Variants in SOX6 observed in about 807,000 individuals in gnomAD.
SOX6 encodes transcription factor SOX-6.
Under a neutral mutation model 97.8 loss-of-function variants are expected in SOX6, and 11 were observed. The ratio of observed to expected loss-of-function variants is 0.11; its 90% CI spans 0.07 to 0.19. The LOEUF (loss-of-function observed/expected upper bound fraction) is 0.19, where lower values mean the gene tolerates loss of function less well. SOX6 is among the 10% of genes least tolerant of loss of function. The pLI, the probability that SOX6 is intolerant of heterozygous loss-of-function variation, is 1.00. For missense variants in SOX6, 810 were observed against 1,039.5 expected, an observed-to-expected ratio of 0.78 and a Z score of 3.04; for synonymous variants, 360 against 371.4, an observed-to-expected ratio of 0.97 and a Z score of 0.35.
intron 6 of SOX6, among the ~76,000 whole-genome samples, chr11:16,156,668 C>T (rs936569605): frequency 2.0e-5 from 3 of 151,924 alleles, no homozygotes; most frequent in Admixed American, 6.6e-5. Flanking sequence ...TCTTTCTACT[C>T]CATCTTTACT....
In SOX6 at chr11:16,055,803, A is replaced by G; in HGVS notation, c.1200T>C (p.Pro400=). The G allele has an allele frequency of 6.2e-7, 1 of 1,613,784 alleles. No individual in the cohort carries two copies. Among genetic ancestry groups the G allele is most frequent in the Non-Finnish European group, 8.5e-7 (1 of 1,179,826 alleles). ...CTCTCTTTTCATTTTTTATCCCAGT[A>G]GGTGAGACCGTCCCTGCTGTGTTTG... ...QPPNTAGTVS[P]TGIKNEKRGT... is the part of the protein sequence containing the mutation. Residue 400 remains proline (P), a synonymous_variant, in exon 10 of 16, where the codon CCT becomes CCC. Coordinates refer to ENST00000683767, the MANE Select transcript of SOX6 (RefSeq NM_001367873.1).
At chr11:16,275,880 G>C (rs563490916) in intron 3 of SOX6, among the ~76,000 whole-genome samples, 2 of 152,208 alleles carry the variant, frequency 1.3e-5, no homozygotes, top group East Asian at 3.9e-4. Flanking sequence ...AATATAAATA[G>C]ATTCATATTG....
At chr11:16,692,465 C>T (rs1453743496) in intron 3 of SOX6, among the ~76,000 whole-genome samples, 1 of 152,184 alleles carries the variant, frequency 6.6e-6, no homozygotes, top group Non-Finnish European at 1.5e-5. Flanking sequence ...TCCTAAGAAG[C>T]TCTTCCTTTC....
intron 3 of SOX6, among the ~76,000 whole-genome samples, chr11:16,244,483 G>A (rs1173695496): frequency 6.6e-6 from 1 of 151,392 alleles, no homozygotes; most frequent in Non-Finnish European, 1.5e-5. Flanking sequence ...GTATTTTCTG[G>A]ATTCTCTCTA....
chr11:16,109,869 C>T (rs1300924190), intron 7 of SOX6, among the ~76,000 whole-genome samples: 1 of 152,100 alleles, frequency 6.6e-6, no homozygotes, highest in African/African-American at 2.4e-5. Context: ...TCTCAAAACC[C>T]ATTGTCCTGC....
At chr11:16,684,131 T>C (rs1269679002) in intron 3 of SOX6, among the ~76,000 whole-genome samples, 4 of 152,198 alleles carry the variant, frequency 2.6e-5, no homozygotes, top group African/African-American at 9.6e-5. Flanking sequence ...GCTTTTACAC[T>C]GTGGGTGTAA....
chr11:16,425,684 C>A (rs1470348586), intron 1 of SOX6, among the ~76,000 whole-genome samples: 10 of 152,024 alleles, frequency 6.6e-5, no homozygotes, highest in Non-Finnish European at 1.0e-4. Context: ...ACAGTCAAGC[C>A]GAGATCCAAA....
At chr11:16,311,558 TC>T (rs1326271934) in intron 3 of SOX6, 1 of 152,172 alleles carries the variant, frequency 6.6e-6, no homozygotes, top group African/African-American at 2.4e-5. Context: ...AAAACCTTGA[TC>T]CTTATAACAC....
At chr11:16,496,364 A>G (rs942840920) in intron 4 of SOX6, among the ~76,000 whole-genome samples, 1 of 151,296 alleles carries the variant, frequency 6.6e-6, no homozygotes, top group African/African-American at 2.4e-5. Context: ...GAATAGGAAC[A>G]GCTCCAGTCT....
At chr11:16,178,520 A>G (rs2134094565) in intron 6 of SOX6, among the ~76,000 whole-genome samples, 1 of 152,050 alleles carries the variant, frequency 6.6e-6, no homozygotes, top group East Asian at 1.9e-4. Flanking sequence ...TTTCCTGGCT[A>G]ATTCATGATT....
At chr11:16,617,376 T>A (rs1328786712) in intron 3 of SOX6, among the ~76,000 whole-genome samples, 2 of 151,828 alleles carry the variant, frequency 1.3e-5, no homozygotes, top group South Asian at 2.1e-4. Flanking sequence ...ACTCAACAGC[T>A]CAATACAAAA....
intron 3 of SOX6, among the ~76,000 whole-genome samples, chr11:16,275,208 G>A (rs1488659193): frequency 1.3e-5 from 2 of 151,388 alleles, no homozygotes; most frequent in Non-Finnish European, 2.9e-5. Flanking sequence ...TTAGGAGCCC[G>A]AGGCGGGCGG....
chr11:16,402,410 G>A (rs1375968735), intron 1 of SOX6, among the ~76,000 whole-genome samples: 1 of 151,626 alleles, frequency 6.6e-6, no homozygotes, highest in Non-Finnish European at 1.5e-5. Context: ...AATAACGTGA[G>A]AAAGCTAAAA....
chr11:16,218,617 A>G (rs1324649712), intron 4 of SOX6, among the ~76,000 whole-genome samples: 1 of 152,150 alleles, frequency 6.6e-6, no homozygotes, highest in African/African-American at 2.4e-5. Flanking sequence ...TGCTTTAAGC[A>G]TAAGAACACA....
intron 4 of SOX6, among the ~76,000 whole-genome samples, chr11:16,225,958 C>T (rs1366489120): frequency 6.6e-6 from 1 of 152,100 alleles, no homozygotes; most frequent in African/African-American, 2.4e-5. Context: ...TAGTAAAACC[C>T]TAATAAAGTA....
chr11:16,459,212 G>A (rs1015138478), intron 1 of SOX6, among the ~76,000 whole-genome samples: 26 of 152,092 alleles, frequency 1.7e-4, no homozygotes, highest in African/African-American at 6.3e-4. Flanking sequence ...TATTGCATCA[G>A]TAGTGAAGAG....
intron 9 of SOX6, among the ~76,000 whole-genome samples, chr11:16,059,098 A>G (rs530275333): frequency 6.6e-6 from 1 of 152,126 alleles, no homozygotes; most frequent in African/African-American, 2.4e-5. Context: ...CTTTTTTACT[A>G]AGACAGTTAT....
At chr11:16,725,367 A>G (rs1218053831) in intron 2 of SOX6, among the ~76,000 whole-genome samples, 2 of 152,160 alleles carry the variant, frequency 1.3e-5, no homozygotes, top group Non-Finnish European at 2.9e-5. Context: ...CTACAAAAAA[A>G]TACAAAAATT....
intron 12 of SOX6, among the ~76,000 whole-genome samples, chr11:16,034,528 C>T (rs905998924): frequency 6.6e-6 from 1 of 152,154 alleles, no homozygotes; most frequent in African/African-American, 2.4e-5. Flanking sequence ...AGATTTAAGA[C>T]AATGCTGAGA....
Sources: gnomAD v4.1 joint callset for allele counts (sites outside exome capture counted in the v4.1 genomes callset) on GRCh38, gnomAD v4.1.1 for gene constraint, MANE v1.5 for transcripts, NCBI Gene and HGNC (gene_info 2026-07-23, HGNC 2026-07-21) for gene names.